PPP6R2: variants seen among roughly 807,000 people sequenced by gnomAD.
The protein encoded by PPP6R2 is protein phosphatase 6 regulatory subunit 2.
Under a neutral mutation model 100.2 loss-of-function variants are expected in PPP6R2, and 62 were observed. The observed-to-expected ratio is 0.62, with a 90% CI of 0.50 to 0.76. PPP6R2 has a LOEUF of 0.76. PPP6R2 is among the 30% of genes least tolerant of loss of function. The pLI, the probability that PPP6R2 is intolerant of heterozygous loss-of-function variation, is 0.00. For missense variants in PPP6R2, 1,142 were observed against 1,276.3 expected, an observed-to-expected ratio of 0.89 and a Z score of 1.60; for synonymous variants, 525 against 514.7, an observed-to-expected ratio of 1.02 and a Z score of -0.27.
chr22:50,356,047 C>T (rs768253330), intron 1 of PPP6R2, among the ~76,000 whole-genome samples: 42 of 151,176 alleles, frequency 2.8e-4, no homozygotes, highest in Non-Finnish European at 4.4e-4. Context: ...ACTGCAAGCT[C>T]CGCCTCCCAG....
At chr22:50,366,591 A>AC (rs2048813760) in intron 1 of PPP6R2, among the ~76,000 whole-genome samples, 1 of 152,044 alleles carries the variant, frequency 6.6e-6, no homozygotes, top group African/African-American at 2.4e-5. Flanking sequence ...GGTGTGAGCC[A>AC]CCGCACCCGG....
chr22:50,376,879 T>G (rs2051699235), intron 2 of PPP6R2, among the ~76,000 whole-genome samples: 1 of 151,766 alleles, frequency 6.6e-6, no homozygotes. Context: ...TACAAAAAAT[T>G]AGCCGGGCGC....
At chr22:50,401,616 A>T (rs1361893978) in intron 3 of PPP6R2, among the ~76,000 whole-genome samples, 1 of 147,128 alleles carries the variant, frequency 6.8e-6, no homozygotes, top group East Asian at 2.0e-4. Flanking sequence ...GGTTCACACC[A>T]TTCTCCCGCC....
chr22:50,355,731 C>G (rs570270605), intron 1 of PPP6R2, among the ~76,000 whole-genome samples: 25 of 147,310 alleles, frequency 1.7e-4, no homozygotes, highest in African/African-American at 6.3e-4. Context: ...CTGTGTTAGC[C>G]AGGATGGTCT....
intron 1 of PPP6R2, among the ~76,000 whole-genome samples, chr22:50,369,085 A>C (rs1021524170): frequency 8.6e-5 from 13 of 152,012 alleles, no homozygotes; most frequent in Non-Finnish European, 1.6e-4. Flanking sequence ...CTAAAAATAC[A>C]AAATTAGCTG....
Position 50,367,193 on chromosome 22 carries a change from C to T in PPP6R2, c.-147-4827C>T, listed in dbSNP as rs527242418. On this transcript the variant is annotated intron_variant, in intron 1 of 23. Transcript: ENST00000612753. ...GACAGGGGAGCAGAGGATGCCTGGACAGGGGAGCGGGGGACGCCTGGATAG... is the reference window on the plus strand; with the variant it reads ...GACAGGGGAGCAGAGGATGCCTGGATAGGGGAGCGGGGGACGCCTGGATAG... Among the ~76,000 whole-genome samples the T allele has an allele frequency of 8.5e-4, 129 of 152,036 alleles. 1 individual carries two copies. Among genetic ancestry groups the T allele is most frequent in the African/African-American group, 3.0e-3 (126 of 41,486 alleles).
Position 50,394,096 on chromosome 22 carries a change from A to G in PPP6R2, c.188A>G (p.Gln63Arg), listed in dbSNP as rs2056210329. Reference sequence around the variant, plus strand: ...GAGGAGCTGGTGAGCCTCATCACACAGGATCCGCCCCTGGACATGGAGGAG... The same window carrying G: ...GAGGAGCTGGTGAGCCTCATCACACGGGATCCGCCCCTGGACATGGAGGAG... ...CMEELVSLIT[Q>R]DPPLDMEEKV... Residue 63 changes from glutamine to arginine, a missense_variant, in exon 3 of 24, where the codon CAG (glutamine) becomes CGG (arginine). Physicochemically the swap from Gln to Arg is conservative, Grantham distance 43. Coordinates refer to ENST00000612753, the MANE Select transcript of PPP6R2 (RefSeq NM_001242898.2). 1 of 1,614,200 alleles carries G rather than the reference A, an allele frequency of 6.2e-7. No individual in the cohort carries two copies. The highest frequency in any genetic ancestry group is 8.5e-7 in the Non-Finnish European group (1 of 1,180,032).
At position 50,438,648 on chromosome 22, in the gene PPP6R2, C is replaced by G. The variant is rs774388878; in HGVS notation, c.2014C>G (p.Arg672Gly). Residue 672 changes from arginine (R) to glycine (G), a missense_variant, in exon 19 of 24, where the codon CGT (arginine) becomes GGT (glycine). By Grantham distance (125) the Arg-to-Gly change is moderately radical. Coordinates refer to ENST00000612753, the MANE Select transcript of PPP6R2 (RefSeq NM_001242898.2). ...GAGTTGCTCAAAGAATGGCCCAGAG[C>G]GTGGAGGCCAGGATGGGAAGGCGAG... is the stretch of plus-strand genomic sequence containing the variant. Reference protein sequence around the residue: ...SESCSKNGPERGGQDGKASLE... With the variant: ...SESCSKNGPEGGGQDGKASLE... The G allele has an allele frequency of 6.2e-7, 1 of 1,614,038 alleles. No homozygotes were observed. Among genetic ancestry groups the G allele is most frequent in the Non-Finnish European group, 8.5e-7 (1 of 1,179,996 alleles).
chr22:50,432,337 C>G lies in PPP6R2; in HGVS notation c.1400+8C>G. ...AGCCAACGACCACACGCAGTAAGAG[C>G]CGCTCGGACGTGGAGGGACCCAGCC... On this transcript the variant is annotated splice_region_variant and intron_variant, in intron 12 of 23. Transcript: ENST00000612753. 1 of 1,548,484 alleles carries G rather than the reference C, an allele frequency of 6.5e-7. No homozygotes were observed. The highest frequency in any genetic ancestry group is 8.7e-7 in the Non-Finnish European group (1 of 1,146,472).
chr22:50,409,139 G>A (rs565913285), intron 4 of PPP6R2, among the ~76,000 whole-genome samples: 84 of 152,278 alleles, frequency 5.5e-4, no homozygotes, highest in Non-Finnish European at 7.9e-4. Flanking sequence ...TTGTTCTCAC[G>A]GCCAGCTGTG....
At position 50,414,552 on chromosome 22, in the gene PPP6R2, G is replaced by C; in HGVS notation, c.415G>C (p.Val139Leu). ...GCCTCTCAGGTGTGTGTGATTTCAG[G>C]TGATTACGTTTTTGAAGAAGAAGGA... is the stretch of plus-strand genomic sequence containing the variant. ...GNLIARKTEQ[V>L]ITFLKKKDKF... Residue 139 changes from valine (V) to leucine (L), a missense_variant and splice_region_variant, in exon 5 of 24, where the codon GTG (valine) becomes CTG (leucine). Physicochemically the swap from Val to Leu is conservative, Grantham distance 32. This residue lies in a region of PPP6R2 where 592 missense variants were observed against 758.9 expected (regional missense o/e 0.78). Transcript: ENST00000612753. 2 of 1,613,984 alleles carry C rather than the reference G, an allele frequency of 1.2e-6. No homozygotes were observed. Among genetic ancestry groups the C allele is most frequent in the Middle Eastern group, 3.3e-4 (2 of 6,060 alleles).
upstream of PPP6R2, among the ~76,000 whole-genome samples, chr22:50,339,528 G>GTA (rs2042344821): frequency 8.7e-6 from 1 of 115,192 alleles, no homozygotes; most frequent in Non-Finnish European, 1.8e-5. Flanking sequence ...GTGGTATGTG[G>GTA]TGTGTGGTGT....
intron 1 of PPP6R2, among the ~76,000 whole-genome samples, chr22:50,350,758 T>C (rs1395550711): frequency 1.3e-4 from 20 of 148,602 alleles, no homozygotes; most frequent in Admixed American, 7.5e-4. Flanking sequence ...GGCAAGAGAA[T>C]GGCATGAACC....
chr22:50,356,401 G>C (rs867282050), intron 1 of PPP6R2, among the ~76,000 whole-genome samples: 7 of 149,888 alleles, frequency 4.7e-5, no homozygotes, highest in Admixed American at 1.3e-4. Flanking sequence ...TTCCCAGGCT[G>C]AGGTAGTCAT....
At chr22:50,415,295 T>C (rs1260931179) in intron 5 of PPP6R2, among the ~76,000 whole-genome samples, 2 of 152,226 alleles carry the variant, frequency 1.3e-5, no homozygotes, top group African/African-American at 4.8e-5. Flanking sequence ...CCTGAGGCGC[T>C]CTGCCTGTTT....
chr22:50,426,756 C>T (rs943322768), intron 10 of PPP6R2, among the ~76,000 whole-genome samples: 1 of 150,480 alleles, frequency 6.6e-6, no homozygotes, highest in Non-Finnish European at 1.5e-5. Flanking sequence ...ATCACTTGAA[C>T]CTGGGAGGCG....
intron 3 of PPP6R2, among the ~76,000 whole-genome samples, chr22:50,402,128 C>T (rs778243572): frequency 2.3e-4 from 35 of 151,956 alleles, no homozygotes; most frequent in Non-Finnish European, 4.0e-4. Context: ...ACGCTTCTTT[C>T]ATAAGTGGGG....
At chr22:50,347,411 C>T (rs1465618437) in intron 1 of PPP6R2, among the ~76,000 whole-genome samples, 1 of 152,064 alleles carries the variant, frequency 6.6e-6, no homozygotes, top group African/African-American at 2.4e-5. Context: ...CTGTCGCGCT[C>T]CCCATCACGG....
At chr22:50,441,429 T>G (rs2065588982) in intron 22 of PPP6R2, among the ~76,000 whole-genome samples, 2 of 152,122 alleles carry the variant, frequency 1.3e-5, no homozygotes, top group African/African-American at 4.8e-5. Flanking sequence ...CTGGGTACCC[T>G]GGTGGTCGGG....
Sources: gnomAD v4.1 joint callset for allele counts (sites outside exome capture counted in the v4.1 genomes callset) on GRCh38, gnomAD v4.1.1 for gene constraint, gnomAD v4.1.1 regional missense constraint, MANE v1.5 for transcripts, NCBI Gene and HGNC (gene_info 2026-07-23, HGNC 2026-07-21) for gene names.